Variants in ZCCHC17 observed in about 807,000 individuals in gnomAD.
ZCCHC17 encodes the protein zinc finger CCHC domain-containing protein 17.
Under a neutral mutation model 30.6 loss-of-function variants are expected in ZCCHC17, and 18 were observed. The ratio of observed to expected loss-of-function variants is 0.59; its 90% CI spans 0.41 to 0.87. ZCCHC17 has a LOEUF of 0.87. Among genes scored for constraint, ZCCHC17 ranks in the 40% least tolerant of loss-of-function variants. ZCCHC17 has a pLI of 0.00. For synonymous variants in ZCCHC17, 88 were observed against 92.4 expected, an observed-to-expected ratio of 0.95 and a Z score of 0.27; for missense variants, 263 against 284.2, an observed-to-expected ratio of 0.93 and a Z score of 0.54.
chr1:31,328,172 A>G (rs1270469761), intron 3 of ZCCHC17, among the ~76,000 whole-genome samples: 1 of 152,170 alleles, frequency 6.6e-6, no homozygotes, highest in Admixed American at 6.5e-5. Context: ...TTCTTACAGT[A>G]TGTTGTTATG....
intron 7 of ZCCHC17, among the ~76,000 whole-genome samples, chr1:31,352,590 C>T (rs1351114249): frequency 1.3e-5 from 2 of 152,004 alleles, no homozygotes; most frequent in Non-Finnish European, 2.9e-5. Flanking sequence ...CTCAAGTGAT[C>T]CAGGAGTGTG....
intron 3 of ZCCHC17, among the ~76,000 whole-genome samples, chr1:31,321,153 A>G (rs1569806671): frequency 1.3e-5 from 2 of 152,242 alleles, no homozygotes; most frequent in East Asian, 1.9e-4. Flanking sequence ...TAGTTCTCGT[A>G]ATCCCCATGT....
chr1:31,315,257 T>C (rs540244910), intron 2 of ZCCHC17, among the ~76,000 whole-genome samples: 4 of 152,326 alleles, frequency 2.6e-5, no homozygotes, highest in Non-Finnish European at 5.9e-5. Flanking sequence ...TTGTACATAG[T>C]AGATAGGTGC....
intron 2 of ZCCHC17, among the ~76,000 whole-genome samples, 164 bp from the exon 3 acceptor site, chr1:31,318,944 CA>C (rs976745580): frequency 2.0e-5 from 3 of 151,342 alleles, no homozygotes; most frequent in African/African-American, 4.9e-5. Context: ...GTCTAAATTT[CA>C]AAAAAAACCC....
chr1:31,338,948 CT>C lies in ZCCHC17; in HGVS notation c.226-8del. 6.3e-7 allele frequency: 1 copy of C among 1,589,784 alleles called. No individual in the cohort carries two copies. The highest frequency in any genetic ancestry group is 2.2e-5 in the East Asian group (1 of 44,656). ...AAAGTTTTTGGTGACTTTTTTTGGT[CT>C]CTTTCAGATGAAAAATGATAGAATA... On this transcript the variant is annotated splice_region_variant and splice_polypyrimidine_tract_variant and intron_variant, in intron 4 of 7. Transcript: ENST00000344147.
intron 5 of ZCCHC17, among the ~76,000 whole-genome samples, chr1:31,345,957 CATCAACATATATATTAT>C (rs1469615481): frequency 1.3e-5 from 2 of 151,994 alleles, no homozygotes; most frequent in African/African-American, 4.8e-5. Flanking sequence ...AGCCAAATCA[CATCAACATATATATTAT>C]ATTTTGGTAA....
At chr1:31,330,150 C>G (rs1309264757) in intron 3 of ZCCHC17, among the ~76,000 whole-genome samples, 1 of 152,166 alleles carries the variant, frequency 6.6e-6, no homozygotes, top group Non-Finnish European at 1.5e-5. Flanking sequence ...TTGAGATTTT[C>G]ACTTCTTTCC....
intron 3 of ZCCHC17, among the ~76,000 whole-genome samples, chr1:31,331,266 T>C (rs967134153): frequency 6.6e-6 from 1 of 151,962 alleles, no homozygotes; most frequent in Admixed American, 6.6e-5. Context: ...TCAGCCTCCC[T>C]AGTAGTTGGG....
At chr1:31,346,897 G>C in intron 6 of ZCCHC17, 157 bp downstream of exon 6, 2 of 1,447,832 alleles carry the variant, frequency 1.4e-6, no homozygotes, top group South Asian at 1.4e-5. Context: ...CAGAGTTCAT[G>C]GGGTGATACA....
intron 2 of ZCCHC17, among the ~76,000 whole-genome samples, chr1:31,317,976 C>T (rs987402362): frequency 5.9e-5 from 9 of 152,148 alleles, no homozygotes; most frequent in Non-Finnish European, 1.0e-4. Context: ...TTTGGACCTC[C>T]GATATGTTAC....
At chr1:31,348,802 T>C (rs896045646) in intron 6 of ZCCHC17, 27 bp from the exon 7 acceptor site, 1 of 1,611,918 alleles carries the variant, frequency 6.2e-7, no homozygotes, top group African/African-American at 1.3e-5. Context: ...TTCCTTTTTC[T>C]ATACCTTTTC....
At position 31,339,379 on chromosome 1, in the gene ZCCHC17, C is replaced by A. The variant is rs186038214; in HGVS notation, c.317+331C>A. Among the ~76,000 whole-genome samples the A allele has an allele frequency of 3.8e-3, 580 of 152,276 alleles. 2 individuals are homozygous for A. Among genetic ancestry groups the A allele is most frequent in the African/African-American group, 0.013 (551 of 41,564 alleles). Reference sequence around the variant, plus strand: ...ATTTGCTGGATGTGGTAGTGCGTGCCTCTAGTCCCAGCTACTCGGGAGACT... The same window carrying A: ...ATTTGCTGGATGTGGTAGTGCGTGCATCTAGTCCCAGCTACTCGGGAGACT... On this transcript the variant is annotated intron_variant, in intron 5 of 7. Transcript: ENST00000344147.
At chr1:31,314,095 C>T (rs747117167) in intron 2 of ZCCHC17, among the ~76,000 whole-genome samples, 3 of 152,244 alleles carry the variant, frequency 2.0e-5, no homozygotes, top group African/African-American at 7.2e-5. Context: ...AAACTCCTGA[C>T]CTCAGGTGAT....
chr1:31,319,924 C>G (rs966387536), intron 3 of ZCCHC17, among the ~76,000 whole-genome samples: 3 of 152,116 alleles, frequency 2.0e-5, no homozygotes, highest in African/African-American at 7.2e-5. Flanking sequence ...AAGAATATTT[C>G]ACTACATGAA....
chr1:31,321,318 G>T (rs748371817), intron 3 of ZCCHC17, among the ~76,000 whole-genome samples: 1 of 152,096 alleles, frequency 6.6e-6, no homozygotes, highest in South Asian at 2.1e-4. Flanking sequence ...CTGCTGCCCT[G>T]TGAAGAAGGA....
At chr1:31,310,903 C>T (rs1465801848) in intron 2 of ZCCHC17, among the ~76,000 whole-genome samples, 1 of 152,158 alleles carries the variant, frequency 6.6e-6, no homozygotes, top group African/African-American at 2.4e-5. Context: ...CCTCCCACTC[C>T]AGTCTATTTG....
chr1:31,348,884 A>G lies in ZCCHC17; in HGVS notation c.474A>G (p.Ile158Met), dbSNP rs1202988414. Residue 158 changes from isoleucine to methionine, a missense_variant, in exon 7 of 8, where the codon ATA becomes ATG. Coordinates refer to ENST00000344147, the MANE Select transcript of ZCCHC17 (RefSeq NM_016505.4). ...CAGGTGGGACTAAATACTCTCTGAT[A>G]CCTGATGAGGAAGAGGAAAAGGAAG... ...MQPGGTKYSLIPDEEEEKEEA... is the reference protein window; with the variant it reads ...MQPGGTKYSLMPDEEEEKEEA... 6.2e-7 allele frequency: 1 copy of G among 1,613,408 alleles called. No homozygotes were observed. Among genetic ancestry groups the G allele is most frequent in the Non-Finnish European group, 8.5e-7 (1 of 1,180,010 alleles).
At chr1:31,302,367 G>T (rs929179465) in intron 1 of ZCCHC17, among the ~76,000 whole-genome samples, 1 of 151,120 alleles carries the variant, frequency 6.6e-6, no homozygotes, top group African/African-American at 2.4e-5. Flanking sequence ...ATATAGTGAG[G>T]CTCAGTTCAC....
chr1:31,351,194 C>G (rs1639457322), intron 7 of ZCCHC17, among the ~76,000 whole-genome samples: 1 of 152,128 alleles, frequency 6.6e-6, no homozygotes, highest in Middle Eastern at 3.2e-3. Context: ...AGAAAGAAAC[C>G]AATGTCATTT....
Sources: gnomAD v4.1 joint callset for allele counts (sites outside exome capture counted in the v4.1 genomes callset) on GRCh38, gnomAD v4.1.1 for gene constraint, MANE v1.5 for transcripts, NCBI Gene and HGNC (gene_info 2026-07-23, HGNC 2026-07-21) for gene names.